The following PTPRD variants were observed in gnomAD, a reference collection of about 807,000 sequenced individuals.
The protein encoded by PTPRD is protein tyrosine phosphatase receptor type D.
A neutral mutation model predicts 214.5 loss-of-function variants in PTPRD; 34 were observed. That is an observed-to-expected ratio of 0.16 (90% CI 0.12 to 0.21). PTPRD has a LOEUF of 0.21. Among genes scored for constraint, PTPRD ranks in the 10% least tolerant of loss-of-function variants. The probability of loss-of-function intolerance (pLI) is 1.00; values close to 1 mark genes in which losing one functional copy is unlikely to be tolerated. For missense variants in PTPRD, 2,545 were observed against 2,398.7 expected, an observed-to-expected ratio of 1.06 and a Z score of -1.27; for synonymous variants, 1,128 against 845.7, an observed-to-expected ratio of 1.33 and a Z score of -5.79.
chr9:9,632,940 A>C (rs1224914314), intron 7 of PTPRD, among the ~76,000 whole-genome samples: 1 of 152,168 alleles, frequency 6.6e-6, no homozygotes, highest in African/African-American at 2.4e-5. Flanking sequence ...TCTAAGAAAC[A>C]GAGTGCCCTT....
chr9:9,652,612 T>C (rs910231779), intron 7 of PTPRD, among the ~76,000 whole-genome samples: 1 of 151,820 alleles, frequency 6.6e-6, no homozygotes, highest in Admixed American at 6.6e-5. Flanking sequence ...TAAAATAATA[T>C]ACCACTTTTT....
In PTPRD at chr9:8,664,070, A is replaced by AT. The variant is rs1219108289; in HGVS notation, c.65-27227dup. ...CCATGTCGAGAGGATATTAACTTTTATTTTAACCAACATCATCTGGAGACT... is the reference window on the plus strand; with the variant it reads ...CCATGTCGAGAGGATATTAACTTTTATTTTTAACCAACATCATCTGGAGACT... On this transcript the variant is annotated intron_variant, in intron 12 of 45. Coordinates refer to ENST00000381196, the MANE Select transcript of PTPRD (RefSeq NM_002839.4). Among the ~76,000 whole-genome samples, 7 of 152,252 alleles carry AT rather than the reference A, an allele frequency of 4.6e-5. No individual in the cohort carries two copies. The East Asian group carries it at 1.4e-3, about 30-fold the overall frequency.
intron 9 of PTPRD, among the ~76,000 whole-genome samples, chr9:9,297,568 T>G (rs1486065576): frequency 6.6e-6 from 1 of 151,678 alleles, no homozygotes; most frequent in Non-Finnish European, 1.5e-5. Flanking sequence ...TTTCAGGTAG[T>G]TTCCACAGAA....
chr9:9,225,796 G>C (rs1159617327), intron 9 of PTPRD, among the ~76,000 whole-genome samples: 1 of 151,986 alleles, frequency 6.6e-6, no homozygotes, highest in Admixed American at 6.6e-5. Flanking sequence ...ACAAGAAGAG[G>C]AGAAGGGGAA....
intron 2 of PTPRD, among the ~76,000 whole-genome samples, chr9:10,351,445 A>T (rs2097180870): frequency 6.6e-6 from 1 of 152,084 alleles, no homozygotes; most frequent in African/African-American, 2.4e-5. Flanking sequence ...AGAAAAGGGA[A>T]TGGATTTGTT....
chr9:8,495,949 G>A (rs545396369), intron 26 of PTPRD, among the ~76,000 whole-genome samples: 29 of 152,122 alleles, frequency 1.9e-4, no homozygotes, highest in South Asian at 8.3e-4. Context: ...GTTAAAGACT[G>A]ACCGGCCAGC....
At chr9:10,435,587 CTTAT>C (rs2098711840) in intron 2 of PTPRD, among the ~76,000 whole-genome samples, 2 of 151,748 alleles carry the variant, frequency 1.3e-5, no homozygotes, top group Non-Finnish European at 2.9e-5. Flanking sequence ...TCAAATTATT[CTTAT>C]TTATTTATAT....
chr9:8,929,817 A>ATG (rs74213259), intron 11 of PTPRD, among the ~76,000 whole-genome samples: 1,943 of 89,132 alleles, frequency 0.022, 62 homozygotes, highest in Non-Finnish European at 0.029. Flanking sequence ...GTGTATATAT[A>ATG]TGTGTATATA....
intron 10 of PTPRD, among the ~76,000 whole-genome samples, chr9:9,020,539 G>C (rs1370100114): frequency 6.6e-6 from 1 of 152,184 alleles, no homozygotes; most frequent in Non-Finnish European, 1.5e-5. Flanking sequence ...AACCAAGAAT[G>C]ATGGCCAGGT....
intron 10 of PTPRD, among the ~76,000 whole-genome samples, chr9:9,037,908 G>T (rs2099627047): frequency 6.6e-6 from 1 of 152,152 alleles, no homozygotes; most frequent in South Asian, 2.1e-4. Context: ...GGAATGTGTG[G>T]TTTAGCATCT....
chr9:9,757,730 ATAT>A (rs1444831865), intron 6 of PTPRD, among the ~76,000 whole-genome samples: 1 of 152,010 alleles, frequency 6.6e-6, no homozygotes, highest in Non-Finnish European at 1.5e-5. Context: ...TCTCATATAA[ATAT>A]AAGAAAGGAT....
At chr9:10,591,158 G>A (rs990585931) in intron 2 of PTPRD, among the ~76,000 whole-genome samples, 1 of 151,886 alleles carries the variant, frequency 6.6e-6, no homozygotes, top group African/African-American at 2.4e-5. Context: ...GGACCCTGCT[G>A]AATGACCCAA....
chr9:9,547,627 A>C (rs1298433672), intron 8 of PTPRD, among the ~76,000 whole-genome samples: 1 of 152,116 alleles, frequency 6.6e-6, no homozygotes, highest in Non-Finnish European at 1.5e-5. Context: ...ATGACATGCC[A>C]TAGGATATCT....
Position 8,485,304 on chromosome 9 carries a change from C to T in PTPRD, c.3076G>A (p.Val1026Ile). ...ACGGAAGTCTTCATTACTGCTTTGA[C>T]ATGAAAATTTTTTGCAAACACTGCT... ...VDQVFAKNFH[V>I]KAVMKTSVLL... is the part of the protein sequence containing the mutation. The change falls in exon 29 of 46, where the codon GTC (valine) becomes ATC (isoleucine). Residue 1026 changes from valine (V) to isoleucine (I), a missense_variant. Val to Ile is a conservative substitution (Grantham distance 29). Transcript: ENST00000381196. 1 of 1,614,024 alleles carries T rather than the reference C, an allele frequency of 6.2e-7. No homozygotes were observed. Among genetic ancestry groups the T allele is most frequent in the Non-Finnish European group, 8.5e-7 (1 of 1,179,944 alleles).
chr9:10,539,338 T>C (rs2058579344), intron 2 of PTPRD, among the ~76,000 whole-genome samples: 1 of 152,016 alleles, frequency 6.6e-6, no homozygotes, highest in African/African-American at 2.4e-5. Context: ...GCGACCGCCA[T>C]CATGCCGGGC....
At chr9:9,437,998 G>C (rs1459340638) in intron 8 of PTPRD, among the ~76,000 whole-genome samples, 1 of 152,198 alleles carries the variant, frequency 6.6e-6, no homozygotes, top group East Asian at 1.9e-4. Context: ...CCTGTGAAGA[G>C]AGGGTCTGTT....
chr9:9,524,943 C>T (rs917039395), intron 8 of PTPRD, among the ~76,000 whole-genome samples: 4 of 152,188 alleles, frequency 2.6e-5, no homozygotes, highest in Non-Finnish European at 5.9e-5. Context: ...CTGCAAGCTC[C>T]GCCTTCCAGG....
chr9:9,762,806 A>G (rs1340186867), intron 6 of PTPRD, among the ~76,000 whole-genome samples: 1 of 152,198 alleles, frequency 6.6e-6, no homozygotes, highest in Non-Finnish European at 1.5e-5. Context: ...GCAGCACCCT[A>G]TTTCTTGATG....
chr9:9,016,487 A>G (rs868512646), intron 11 of PTPRD, among the ~76,000 whole-genome samples: 5 of 152,150 alleles, frequency 3.3e-5, no homozygotes, highest in African/African-American at 1.2e-4. Flanking sequence ...GAGAGAATAT[A>G]TGTAAAACAA....
Sources: gnomAD v4.1 joint callset for allele counts (sites outside exome capture counted in the v4.1 genomes callset) on GRCh38, gnomAD v4.1.1 for gene constraint, MANE v1.5 for transcripts, NCBI Gene and HGNC (gene_info 2026-07-23, HGNC 2026-07-21) for gene names.